STAU2: variants seen among roughly 807,000 people sequenced by gnomAD.
The protein encoded by STAU2 is staufen double-stranded RNA binding protein 2, also known as double-stranded RNA-binding protein Staufen homolog 2.
In STAU2, 20 loss-of-function variants were observed where a neutral mutation model predicts 65.9. The observed-to-expected ratio is 0.30, with a 90% CI of 0.21 to 0.44. The LOEUF (loss-of-function observed/expected upper bound fraction) is 0.44. Among genes scored for constraint, STAU2 ranks in the 20% least tolerant of loss-of-function variants. STAU2 has a pLI of 1.00. For missense variants in STAU2, 558 were observed against 683.9 expected, an observed-to-expected ratio of 0.82 and a Z score of 2.05; for synonymous variants, 232 against 233.9, an observed-to-expected ratio of 0.99 and a Z score of 0.07.
At chr8:73,746,698 T>C (rs1270475554) in intron 1 of STAU2, 85 bp downstream of exon 1, 1 of 842,058 alleles carries the variant, frequency 1.2e-6, no homozygotes, top group Non-Finnish European at 1.6e-6. Flanking sequence ...GCTGCGGAAC[T>C]GCAGGGCTCC....
chr8:73,649,333 TAAGTA>T (rs1815641804), intron 6 of STAU2, among the ~76,000 whole-genome samples: 1 of 152,212 alleles, frequency 6.6e-6, no homozygotes, highest in African/African-American at 2.4e-5. Flanking sequence ...GCTTACCATT[TAAGTA>T]AAGACTTCTA....
chr8:73,714,322 C>G (rs1486466915), intron 3 of STAU2, among the ~76,000 whole-genome samples: 2 of 152,142 alleles, frequency 1.3e-5, no homozygotes, highest in Admixed American at 1.3e-4. Flanking sequence ...AGCAAAGGAC[C>G]CTTTCATGGG....
chr8:73,517,215 A>G (rs1822785060), intron 13 of STAU2, among the ~76,000 whole-genome samples: 1 of 152,154 alleles, frequency 6.6e-6, no homozygotes, highest in Admixed American at 6.5e-5. Flanking sequence ...CCAGGAGCTC[A>G]TGACCAGGCT....
intron 13 of STAU2, among the ~76,000 whole-genome samples, chr8:73,488,193 T>C (rs547957759): frequency 6.6e-6 from 1 of 152,210 alleles, no homozygotes; most frequent in Admixed American, 6.5e-5. Context: ...TTACCTTAAC[T>C]TGTAAACATA....
chr8:73,470,518 C>T (rs547472734), intron 13 of STAU2, among the ~76,000 whole-genome samples: 41 of 152,244 alleles, frequency 2.7e-4, no homozygotes, highest in African/African-American at 9.4e-4. Context: ...GTAGTAGAGG[C>T]CAGGCGCAGC....
rs1807225239 is a variant in STAU2 at position 73,550,119 on chromosome 8, A to G, written c.1530+1893T>C. 3 of 985,398 alleles carry G rather than the reference A, an allele frequency of 3.0e-6. No homozygotes were observed. The South Asian group carries it at 1.4e-4, about 46-fold the overall frequency. 61.0% of individuals were successfully genotyped at this position (985,398 alleles called of 1,614,324 possible). A position where few individuals can be genotyped will look rare whatever the true frequency, so the allele number is the denominator to read the frequency against. On this transcript the variant is annotated intron_variant, in intron 13 of 14. Coordinates refer to ENST00000524300, the MANE Select transcript of STAU2 (RefSeq NM_001164380.2). ...CATCAATGACAGAGTATTTTACATC[A>G]ATACCAGCTCATTCAACCAAAGAAG...
At chr8:73,523,021 C>A (rs1258806947) in intron 13 of STAU2, among the ~76,000 whole-genome samples, 1 of 151,796 alleles carries the variant, frequency 6.6e-6, no homozygotes, top group Non-Finnish European at 1.5e-5. Context: ...CATGGTGAAA[C>A]CCCGTCTCTA....
At chr8:73,487,547 T>G (rs1820978587) in intron 13 of STAU2, among the ~76,000 whole-genome samples, 1 of 152,086 alleles carries the variant, frequency 6.6e-6, no homozygotes, top group Non-Finnish European at 1.5e-5. Flanking sequence ...TGATAGGAGA[T>G]CTTCTGGTTT....
At position 73,524,704 on chromosome 8, in the gene STAU2, T is replaced by C. The variant is rs1046523746; in HGVS notation, c.1530+27308A>G. Among the ~76,000 whole-genome samples, 4 of 152,202 alleles carry C rather than the reference T, an allele frequency of 2.6e-5. No individual in the cohort carries two copies. The East Asian group carries it at 7.7e-4, about 29-fold the overall frequency. Reference sequence around the variant, plus strand: ...CTTCCAAATTTCACATATACTTTTTTTCTCAGAATACCAATTCTGTTTGGT... The same window carrying C: ...CTTCCAAATTTCACATATACTTTTTCTCTCAGAATACCAATTCTGTTTGGT... On this transcript the variant is annotated intron_variant, in intron 13 of 14. Coordinates refer to ENST00000524300, the MANE Select transcript of STAU2 (RefSeq NM_001164380.2).
chr8:73,703,111 C>A (rs565976578), intron 4 of STAU2, among the ~76,000 whole-genome samples: 21 of 152,210 alleles, frequency 1.4e-4, no homozygotes, highest in African/African-American at 4.6e-4. Context: ...GGATCCGTGT[C>A]CCCACCCAAA....
chr8:73,625,323 G>A (rs140282198), intron 6 of STAU2, among the ~76,000 whole-genome samples: 32 of 152,220 alleles, frequency 2.1e-4, no homozygotes, highest in African/African-American at 7.5e-4. Flanking sequence ...CAAATGTCCC[G>A]ATGAATAAAT....
chr8:73,617,466 T>C lies in STAU2; in HGVS notation c.411-15A>G. 6.2e-7 allele frequency: 1 copy of C among 1,607,528 alleles called. No homozygotes were observed. Among genetic ancestry groups the C allele is most frequent in the Non-Finnish European group, 8.5e-7 (1 of 1,177,852 alleles). On this transcript the variant is annotated splice_polypyrimidine_tract_variant and intron_variant, in intron 6 of 14. Coordinates refer to ENST00000524300, the MANE Select transcript of STAU2 (RefSeq NM_001164380.2). The stretch of plus-strand genomic sequence containing the variant: ...GGCAATGATACCTAAAATAAGAAAA[T>C]AAAAACATTAAAGTTAGCTTAATAA...
chr8:73,501,194 C>A (rs1294266423), intron 13 of STAU2, among the ~76,000 whole-genome samples: 1 of 151,608 alleles, frequency 6.6e-6, no homozygotes, highest in African/African-American at 2.4e-5. Context: ...TAAAAAAAAA[C>A]TGCAGAAACC....
chr8:73,552,445 T>A (rs2128943573), intron 12 of STAU2, 126 bp from the exon 13 acceptor site: 1 of 825,726 alleles, frequency 1.2e-6, no homozygotes, highest in Non-Finnish European at 1.8e-6. Flanking sequence ...CAAACAAGTA[T>A]CTTTGTCATA....
chr8:73,719,602 T>C (rs1821499822), intron 3 of STAU2, among the ~76,000 whole-genome samples: 1 of 152,250 alleles, frequency 6.6e-6, no homozygotes, highest in Non-Finnish European at 1.5e-5. Context: ...AGTTCATTAA[T>C]ATGTTAAATT....
chr8:73,679,970 G>A (rs1001320671), intron 5 of STAU2, among the ~76,000 whole-genome samples: 29 of 142,532 alleles, frequency 2.0e-4, no homozygotes, highest in African/African-American at 5.4e-4. Context: ...CCAGTCCCTA[G>A]GGAAGCCATT....
intron 13 of STAU2, chr8:73,551,644 G>C (rs1380226575): frequency 2.0e-6 from 2 of 996,884 alleles, no homozygotes; most frequent in African/African-American, 3.5e-5. Context: ...AGGGAGAACT[G>C]AGTGTGAAAT....
At chr8:73,737,180 T>C (rs997752165) in intron 3 of STAU2, among the ~76,000 whole-genome samples, 1 of 144,122 alleles carries the variant, frequency 6.9e-6, no homozygotes, top group Non-Finnish European at 1.5e-5. Flanking sequence ...ATTACTTTTG[T>C]TTTTTTTTTG....
intron 13 of STAU2, among the ~76,000 whole-genome samples, chr8:73,514,764 T>A (rs1317205309): frequency 6.6e-6 from 1 of 152,204 alleles, no homozygotes; most frequent in African/African-American, 2.4e-5. Flanking sequence ...TCTGTATATG[T>A]TTTATTTTTT....
Sources: allele counts gnomAD v4.1 joint callset (sites outside exome capture counted in the v4.1 genomes callset), GRCh38; gene constraint gnomAD v4.1.1; transcripts MANE v1.5; gene names NCBI Gene and HGNC (gene_info 2026-07-23, HGNC 2026-07-21).